Variants in ERVK3-1 observed in about 807,000 individuals in gnomAD.
ERVK3-1 encodes the protein HERV-K(HML6-1).
At chr19:58,314,626 CAAAA>C (rs58275693) in intron 3 of ERVK3-1, 118 bp from the exon 4 acceptor site, 977 of 58,752 alleles carry the variant, frequency 0.017, no homozygotes, top group Middle Eastern at 0.051. Flanking sequence ...GACTCCATCT[CAAAA>C]AAAAAAAAAA....
intron 1 of ERVK3-1, among the ~76,000 whole-genome samples, 194 bp downstream of exon 1, chr19:58,305,639 C>G (rs896083149): frequency 2.6e-5 from 4 of 151,992 alleles, no homozygotes; most frequent in Non-Finnish European, 5.9e-5. Flanking sequence ...CGGGTGTCAC[C>G]GCTTATGCGC....
downstream of ERVK3-1, among the ~76,000 whole-genome samples, chr19:58,316,068 A>C (rs1039139267): frequency 1.3e-5 from 2 of 152,026 alleles, no homozygotes; most frequent in African/African-American, 4.8e-5. Flanking sequence ...TGAGGTGCCG[A>C]GTGAGGTAGA....
rs548052163 is a variant in ERVK3-1 at position 58,312,215 on chromosome 19, C to T, written c.47C>T (p.Thr16Met). ...CCTCCAGGTGTGTGTGACCATGGAA[C>T]GGGAGACCGGAGGGATCCATGGTAT... Residue 16 changes from threonine to methionine, a missense_variant, in exon 3 of 4, where the codon ACG (threonine) becomes ATG (methionine). Transcript: ENST00000413518. This position sits in a 1 kb window ranked among gnomAD's most constrained non-coding sequence, Gnocchi z 4.7. The T allele has an allele frequency of 7.7e-4, 309 of 400,076 alleles. 1 individual carries two copies. The highest frequency in any genetic ancestry group is 1.0e-3 in the Non-Finnish European group (237 of 226,086). 24.8% of individuals were successfully genotyped at this position (400,076 alleles called of 1,614,324 possible).
chr19:58,314,626 CAA>C (rs58275693), intron 3 of ERVK3-1, 120 bp from the exon 4 acceptor site: 2,419 of 58,524 alleles, frequency 0.041, no homozygotes, highest in East Asian at 0.08. Flanking sequence ...GACTCCATCT[CAA>C]AAAAAAAAAA....
Position 58,313,521 on chromosome 19 carries a change from G to A in ERVK3-1, c.294+1059G>A, listed in dbSNP as rs1308790575. ...TTGGCCAGGCTGCTCTTGAATTCCT[G>A]ACCTCGTGATCCACCCGCCTTGGCT... On this transcript the variant is annotated intron_variant, in intron 3 of 3. Transcript: ENST00000413518. The surrounding 1 kb of genome is among the most constrained non-coding windows in gnomAD (Gnocchi z 4.5). 1.3e-5 allele frequency among the ~76,000 whole-genome samples: 2 copies of A among 152,154 alleles called. No homozygotes were observed. Among genetic ancestry groups the A allele is most frequent in the Non-Finnish European group, 2.9e-5 (2 of 68,038 alleles).
rs551051001 is a variant in ERVK3-1 at position 58,313,853 on chromosome 19, C to T, written c.295-895C>T. On this transcript the variant is annotated intron_variant, in intron 3 of 3. Coordinates refer to ENST00000413518, the Ensembl canonical transcript of ERVK3-1. The surrounding 1 kb of genome is among the most constrained non-coding windows in gnomAD (Gnocchi z 4.5). Reference sequence around the variant, plus strand: ...TCTTACCCAGCTCACTCATCGTGCACGTAAAGCCTTAAACATAGTAATTTT... The same window carrying T: ...TCTTACCCAGCTCACTCATCGTGCATGTAAAGCCTTAAACATAGTAATTTT... Among the ~76,000 whole-genome samples, 9 of 152,310 alleles carry T rather than the reference C, an allele frequency of 5.9e-5. No individual in the cohort carries two copies. In the South Asian group the frequency reaches 1.4e-3, roughly 25 times the overall value.
rs1379846827 is a variant in ERVK3-1, at chr19:58,312,084, T to C, written c.-3-82T>C. 2.0e-4 allele frequency: 80 copies of C among 398,826 alleles called. No homozygotes were observed. The East Asian group carries it at 2.7e-3, about 13-fold the overall frequency. The allele number at this position is 398,826 out of a possible 1,614,324, so 24.7% of individuals were successfully genotyped here. On this transcript the variant is annotated intron_variant, in intron 2 of 3. Transcript: ENST00000413518. The surrounding 1 kb of genome is among the most constrained non-coding windows in gnomAD (Gnocchi z 4.7). ...GAGGCAAGTTTATCCAAAAGTGTTATGGAAATCCCCAGAAGAAGGACAATG... is the reference window on the plus strand; with the variant it reads ...GAGGCAAGTTTATCCAAAAGTGTTACGGAAATCCCCAGAAGAAGGACAATG...
downstream of ERVK3-1, among the ~76,000 whole-genome samples, chr19:58,316,464 C>G (rs74568537): frequency 0.03 from 4,491 of 152,090 alleles, 220 homozygotes; most frequent in African/African-American, 0.099. Flanking sequence ...GAGGTTGGGC[C>G]TATGAGACCA....
chr19:58,306,519 C>T (rs1600469430), intron 2 of ERVK3-1: 1 of 152,166 alleles, frequency 6.6e-6, no homozygotes, highest in Non-Finnish European at 1.5e-5. Context: ...GGGGTTTGGT[C>T]TGTACTGTCC....
chr19:58,312,136 G>T lies in ERVK3-1; in HGVS notation c.-3-30G>T. ...AAAGGTCCGGTGGATTTGCTGACGT[G>T]GGGACGAGGGTATGCTTGTGTTTTT... On this transcript the variant is annotated intron_variant, in intron 2 of 3. Transcript: ENST00000413518. This position sits in a 1 kb window ranked among gnomAD's most constrained non-coding sequence, Gnocchi z 4.7. 1 of 400,134 alleles carries T rather than the reference G, an allele frequency of 2.5e-6. No homozygotes were observed. Among genetic ancestry groups the T allele is most frequent in the South Asian group, 1.3e-4 (1 of 7,810 alleles). The allele number at this position is 400,134 out of a possible 1,614,324, so 24.8% of individuals were successfully genotyped here.
Position 58,310,111 on chromosome 19 carries a change from A to G in ERVK3-1, c.-3-2055A>G, listed in dbSNP as rs1411114316. The stretch of plus-strand genomic sequence containing the variant: ...ACCTAAATATACTTAAATAATAAAG[A>G]CCCCTAGAGTTTCAGCTCAACACTC... On this transcript the variant is annotated intron_variant, in intron 2 of 3. Coordinates refer to ENST00000413518, the Ensembl canonical transcript of ERVK3-1. This position sits in a 1 kb window ranked among gnomAD's most constrained non-coding sequence, Gnocchi z 4.7. 1 of 152,042 alleles carries G rather than the reference A, an allele frequency of 6.6e-6. No homozygotes were observed. Among genetic ancestry groups the G allele is most frequent in the East Asian group, 1.9e-4 (1 of 5,200 alleles). 9.4% of individuals were successfully genotyped at this position (152,042 alleles called of 1,614,324 possible). A position where few individuals can be genotyped will look rare whatever the true frequency, so the allele number is the denominator to read the frequency against.
chr19:58,314,775 G>A (rs544759744), exon 4 of ERVK3-1: 24 of 399,918 alleles, frequency 6.0e-5, no homozygotes, highest in Admixed American at 2.6e-4. Context: ...ACCACCAACC[G>A]GCAATTGAAA....
At position 58,312,511 on chromosome 19, in the gene ERVK3-1, A is replaced by G; in HGVS notation, c.294+49A>G. The G allele has an allele frequency of 2.5e-6, 1 of 399,722 alleles. No individual in the cohort carries two copies. The highest frequency in any genetic ancestry group is 1.3e-4 in the South Asian group (1 of 7,772). 24.8% of individuals were successfully genotyped at this position (399,722 alleles called of 1,614,324 possible). On this transcript the variant is annotated intron_variant, in intron 3 of 3. Coordinates refer to ENST00000413518, the Ensembl canonical transcript of ERVK3-1. This position sits in a 1 kb window ranked among gnomAD's most constrained non-coding sequence, Gnocchi z 4.7. ...AAAAACATATTGGGCATATGTTCCT[A>G]ACCCACTGGTAGTACGACTGGTACT...
At position 58,312,322 on chromosome 19, in the gene ERVK3-1, G is replaced by C. The variant is rs977306324; in HGVS notation, c.154G>C (p.Val52Leu). ...AAAGACAGAACAAGGGCCGACCGGA[G>C]TCACAATGACATCCAACCCCATAAC... Residue 52 changes from valine (V) to leucine (L), a missense_variant, in exon 3 of 4, where the codon GTC (valine) becomes CTC (leucine). Val to Leu is a conservative substitution (Grantham distance 32). Transcript: ENST00000413518. The surrounding 1 kb of genome is among the most constrained non-coding windows in gnomAD (Gnocchi z 4.7). 3 of 400,056 alleles carry C rather than the reference G, an allele frequency of 7.5e-6. No homozygotes were observed. Among genetic ancestry groups the C allele is most frequent in the African/African-American group, 2.1e-5 (1 of 48,612 alleles). The allele number at this position is 400,056 out of a possible 1,614,324, so 24.8% of individuals were successfully genotyped here. A position where few individuals can be genotyped will look rare whatever the true frequency, so the allele number is the denominator to read the frequency against.
chr19:58,305,982 C>G (rs968547767), intron 1 of ERVK3-1, 106 bp from the exon 2 acceptor site: 1 of 152,262 alleles, frequency 6.6e-6, no homozygotes, highest in Admixed American at 6.5e-5. Context: ...TGTAAAAGCT[C>G]AGGGCCCTGT....
At chr19:58,305,577 G>C (rs2051516497) in intron 1 of ERVK3-1, 132 bp downstream of exon 1, 1 of 148,994 alleles carries the variant, frequency 6.7e-6, no homozygotes. Context: ...CCCCGGGTCG[G>C]CGCGGGCAGA....
chr19:58,314,028 TACAA>T (rs1352649783), intron 3 of ERVK3-1, among the ~76,000 whole-genome samples: 7 of 152,140 alleles, frequency 4.6e-5, no homozygotes, highest in African/African-American at 1.4e-4. Flanking sequence ...AATACCGAAT[TACAA>T]ACAAAGGTAG....
intron 2 of ERVK3-1, chr19:58,311,643 G>C (rs1448327260): frequency 6.6e-6 from 1 of 152,146 alleles, no homozygotes; most frequent in Non-Finnish European, 1.5e-5. Context: ...GGCTAACTCC[G>C]CTATGTTCAT....
chr19:58,305,594 C>T (rs1302313460), intron 1 of ERVK3-1, 149 bp downstream of exon 1: 3 of 152,112 alleles, frequency 2.0e-5, no homozygotes, highest in African/African-American at 7.3e-5. Flanking sequence ...CAGAGAGGCG[C>T]GCGGTGCGTG....
Sources: gnomAD v4.1 joint callset for allele counts (sites outside exome capture counted in the v4.1 genomes callset) on GRCh38, gnomAD v4.1.1 for gene constraint, Gnocchi (gnomAD v3.1) non-coding constraint, MANE v1.5 for transcripts, NCBI Gene and HGNC (gene_info 2026-07-23, HGNC 2026-07-21) for gene names.